The following RYR2 variants were observed in gnomAD, a reference collection of about 807,000 sequenced individuals.
RYR2 encodes the protein cardiac muscle ryanodine receptor-calcium release channel.
RYR2 carries 227 observed loss-of-function variants against 601.1 expected under a neutral mutation model. The observed-to-expected ratio is 0.38, with a 90% CI of 0.34 to 0.42. RYR2 has a LOEUF of 0.42. Ranked by LOEUF, RYR2 falls within the 10% of genes least tolerant of loss-of-function variation. The pLI is 1.00. For missense variants in RYR2, 4,646 were observed against 6,156.5 expected, an observed-to-expected ratio of 0.75 and a Z score of 8.21; for synonymous variants, 2,223 against 2,175.1, an observed-to-expected ratio of 1.02 and a Z score of -0.61.
intron 54 of RYR2, among the ~76,000 whole-genome samples, chr1:237,658,405 G>T (rs1443478667): frequency 6.6e-6 from 1 of 151,876 alleles, no homozygotes; most frequent in Non-Finnish European, 1.5e-5. Flanking sequence ...GGTTTTTTTG[G>T]TTTATTTTTT....
At chr1:237,790,626 C>T (rs969035560) in intron 92 of RYR2, among the ~76,000 whole-genome samples, 3 of 152,084 alleles carry the variant, frequency 2.0e-5, no homozygotes, top group Non-Finnish European at 2.9e-5. Flanking sequence ...ATATTAATAA[C>T]GAACTTTCCC....
chr1:237,173,586 A>G (rs1452414879), intron 1 of RYR2, among the ~76,000 whole-genome samples: 1 of 152,236 alleles, frequency 6.6e-6, no homozygotes, highest in Non-Finnish European at 1.5e-5. Context: ...TAGCTGGGTC[A>G]GGTGAGTCTT....
In RYR2 at chr1:237,770,898, C is replaced by A. The variant is rs1354704411; in HGVS notation, c.11557+11C>A. The A allele has an allele frequency of 6.6e-7, 1 of 1,517,374 alleles. No individual in the cohort carries two copies. Among genetic ancestry groups the A allele is most frequent in the Non-Finnish European group, 8.9e-7 (1 of 1,118,776 alleles). 94.0% of individuals were successfully genotyped at this position (1,517,374 alleles called of 1,614,324 possible). On this transcript the variant is annotated intron_variant, in intron 85 of 104. Coordinates refer to ENST00000366574, the MANE Select transcript of RYR2 (RefSeq NM_001035.3). ...AGGGACACAACTCAGGTTTGTGAGT[C>A]CCCGGAACTTCTGATGATACTAAGG...
At chr1:237,625,901 T>C in intron 40 of RYR2, 97 bp downstream of exon 40, 2 of 1,402,514 alleles carry the variant, frequency 1.4e-6, no homozygotes, top group Non-Finnish European at 1.9e-6. Context: ...AGTGAGATAA[T>C]TGAGTTTGCA....
chr1:237,595,457 C>A, intron 33 of RYR2, 41 bp from the exon 34 acceptor site: 2 of 1,594,706 alleles, frequency 1.3e-6, no homozygotes, highest in Admixed American at 1.8e-5. Flanking sequence ...TCTCTTTTAT[C>A]TGTGGTTGTA....
At chr1:237,208,437 A>G (rs1003599715) in intron 1 of RYR2, among the ~76,000 whole-genome samples, 1 of 152,224 alleles carries the variant, frequency 6.6e-6, no homozygotes, top group African/African-American at 2.4e-5. Context: ...CCTTTGAAGA[A>G]TGCTTGAGTA....
chr1:237,806,107 A>T (rs747665302), intron 98 of RYR2, 30 bp from the exon 99 acceptor site: 13 of 1,605,896 alleles, frequency 8.1e-6, no homozygotes, highest in Non-Finnish European at 1.1e-5. Flanking sequence ...GTTTTCTGAC[A>T]TGTTCTTTCC....
At chr1:237,582,758 T>C (rs1674067474) in intron 29 of RYR2, among the ~76,000 whole-genome samples, 1 of 152,062 alleles carries the variant, frequency 6.6e-6, no homozygotes, top group Admixed American at 6.5e-5. Context: ...CATTTTTTTA[T>C]AGCTGCATAG....
chr1:237,149,684 A>T (rs1674486609), intron 1 of RYR2, among the ~76,000 whole-genome samples: 1 of 152,148 alleles, frequency 6.6e-6, no homozygotes. Flanking sequence ...AATGTATTTG[A>T]TTAGTTTAAC....
intron 17 of RYR2, among the ~76,000 whole-genome samples, chr1:237,473,615 A>G (rs1173416290): frequency 6.6e-6 from 1 of 152,064 alleles, no homozygotes; most frequent in Non-Finnish European, 1.5e-5. Context: ...AATAAGGGAA[A>G]GTTCTACTAC....
chr1:237,502,176 G>A (rs2805423), intron 21 of RYR2, among the ~76,000 whole-genome samples: 86,054 of 151,942 alleles, frequency 0.57, 24,773 homozygotes, highest in Non-Finnish European at 0.63. Context: ...AAAGAATTAC[G>A]AGGAAAATGA....
At chr1:237,257,321 A>G (rs915587742) in intron 1 of RYR2, among the ~76,000 whole-genome samples, 3 of 152,208 alleles carry the variant, frequency 2.0e-5, no homozygotes, top group African/African-American at 7.2e-5. Context: ...ATTAACTCAT[A>G]GAGCTCTTCA....
At chr1:237,270,845 G>A (rs1020535923) in intron 2 of RYR2, among the ~76,000 whole-genome samples, 1 of 152,138 alleles carries the variant, frequency 6.6e-6, no homozygotes, top group Non-Finnish European at 1.5e-5. Context: ...GCCCCATGAG[G>A]TTTATATTCT....
At chr1:237,640,071 G>A in intron 46 of RYR2, among the ~76,000 whole-genome samples, 1 of 151,974 alleles carries the variant, frequency 6.6e-6, no homozygotes, top group East Asian at 1.9e-4. Flanking sequence ...AAGGAACCAG[G>A]GAGCTCTTAG....
chr1:237,708,795 A>C (rs1224586979), intron 68 of RYR2, 63 bp from the exon 69 acceptor site: 4 of 1,413,646 alleles, frequency 2.8e-6, no homozygotes, highest in Non-Finnish European at 3.9e-6. Flanking sequence ...TTGTAATTAC[A>C]ATCTATCATC....
intron 1 of RYR2, among the ~76,000 whole-genome samples, chr1:237,066,001 C>G (rs1303406060): frequency 6.6e-6 from 1 of 152,162 alleles, no homozygotes; most frequent in African/African-American, 2.4e-5. Context: ...TCCAGTCACC[C>G]CCAACCAGAC....
chr1:237,698,568 T>G (rs1251380429), intron 63 of RYR2, among the ~76,000 whole-genome samples: 1 of 152,132 alleles, frequency 6.6e-6, no homozygotes, highest in East Asian at 1.9e-4. Flanking sequence ...TAGAATGGAA[T>G]GAAAATTTTT....
At chr1:237,310,123 G>C (rs1216024727) in intron 2 of RYR2, among the ~76,000 whole-genome samples, 1 of 152,220 alleles carries the variant, frequency 6.6e-6, no homozygotes, top group African/African-American at 2.4e-5. Context: ...AGGCCGAGGA[G>C]GTGCTGAGAG....
chr1:237,348,763 A>G (rs971524529), intron 3 of RYR2, among the ~76,000 whole-genome samples: 2 of 152,180 alleles, frequency 1.3e-5, no homozygotes, highest in Admixed American at 6.6e-5. Flanking sequence ...TAGACCCATA[A>G]GTGATCCAGA....
Sources: allele counts gnomAD v4.1 joint callset (sites outside exome capture counted in the v4.1 genomes callset), GRCh38; gene constraint gnomAD v4.1.1; transcripts MANE v1.5; gene names NCBI Gene and HGNC (gene_info 2026-07-23, HGNC 2026-07-21).